The following CCDC148 variants were observed in gnomAD, a reference collection of about 807,000 sequenced individuals.
CCDC148 encodes coiled-coil domain containing 148.
Under a neutral mutation model 85.7 loss-of-function variants are expected in CCDC148, and 89 were observed. The ratio of observed to expected loss-of-function variants is 1.04; its 90% CI spans 0.87 to 1.24. The LOEUF (loss-of-function observed/expected upper bound fraction) is 1.24, where lower values mean the gene tolerates loss of function less well. Ranked by LOEUF, CCDC148 falls within the 50% of genes most tolerant of loss-of-function variation. The pLI is 0.00. For synonymous variants in CCDC148, 230 were observed against 213.9 expected (o/e 1.08, Z -0.66); for missense variants, 692 against 671.7 (o/e 1.03, Z -0.33).
At position 158,303,669 on chromosome 2, in the gene CCDC148, T is replaced by C. The variant is rs539638498; in HGVS notation, c.1110+5764A>G. The stretch of plus-strand genomic sequence containing the variant: ...AGAAAAAACAGAATCCATTTTACTA[T>C]AGTGTACTTTATGTTCTGATTTCCC... On this transcript the variant is annotated intron_variant, in intron 9 of 13. Transcript: ENST00000283233. Among the ~76,000 whole-genome samples the C allele has an allele frequency of 3.9e-5, 6 of 152,326 alleles. No individual in the cohort carries two copies. The East Asian group carries it at 5.8e-4, about 15-fold the overall frequency.
At chr2:158,213,132 T>C (rs1686666323) in intron 11 of CCDC148, among the ~76,000 whole-genome samples, 1 of 152,192 alleles carries the variant, frequency 6.6e-6, no homozygotes, top group Non-Finnish European at 1.5e-5. Context: ...GTGATTCTAA[T>C]GTAGCAAAGA....
chr2:158,436,041 C>T (rs992721549), intron 1 of CCDC148, among the ~76,000 whole-genome samples: 22 of 152,124 alleles, frequency 1.4e-4, no homozygotes, highest in African/African-American at 4.8e-4. Context: ...GACTTTAACA[C>T]CCCACTGTCA....
At chr2:158,253,359 C>A (rs1158254851) in intron 9 of CCDC148, among the ~76,000 whole-genome samples, 1 of 151,648 alleles carries the variant, frequency 6.6e-6, no homozygotes, top group Non-Finnish European at 1.5e-5. Flanking sequence ...CCTTATATGG[C>A]CATTCCTATT....
rs772661243 is a variant in CCDC148 at position 158,176,658 on chromosome 2, C to T, written c.1492G>A (p.Ala498Thr). ...ACAGGATCAAATTGAGCAACAACAGCAACCTAAAAATGAGAAAGCATGGCT... is the reference window on the plus strand; with the variant it reads ...ACAGGATCAAATTGAGCAACAACAGTAACCTAAAAATGAGAAAGCATGGCT... ...RRLEALRKQV[A>T]VVAQFDPVRM... Residue 498 changes from alanine (A) to threonine (T), a missense_variant, in exon 13 of 14, where the codon GCT becomes ACT. Ala to Thr is a moderately conservative substitution (Grantham distance 58, BLOSUM62 0). Transcript: ENST00000283233. 6.2e-7 allele frequency: 1 copy of T among 1,611,492 alleles called. No individual in the cohort carries two copies. The highest frequency in any genetic ancestry group is 1.7e-5 in the Admixed American group (1 of 59,838).
chr2:158,344,089 G>GA (rs1682874010), intron 3 of CCDC148, among the ~76,000 whole-genome samples: 1 of 151,968 alleles, frequency 6.6e-6, no homozygotes, highest in Non-Finnish European at 1.5e-5. Context: ...CTTTACACTT[G>GA]AATTTGAATC....
rs528571516 is a variant in CCDC148, at chr2:158,309,583, G to T, written c.960C>A (p.Ile320=). 1.2e-6 allele frequency: 2 copies of T among 1,613,750 alleles called. No individual in the cohort carries two copies. The highest frequency in any genetic ancestry group is 3.3e-5 in the Admixed American group (2 of 59,992). Residue 320 remains isoleucine, a synonymous_variant, in exon 9 of 14, where the codon ATC becomes ATA. Transcript: ENST00000283233. ...QYRFAIEQQN[I]LISNWNKNKK... ...TATTTTTATTCCAATTTGATATCAGGATATTTTGCTGCTCTATAGCAAAGC... is the reference window on the plus strand; with the variant it reads ...TATTTTTATTCCAATTTGATATCAGTATATTTTGCTGCTCTATAGCAAAGC...
chr2:158,414,055 G>A (rs1242267493), intron 1 of CCDC148, among the ~76,000 whole-genome samples: 2 of 152,118 alleles, frequency 1.3e-5, no homozygotes, highest in East Asian at 1.9e-4. Flanking sequence ...AATAAAGGTC[G>A]AGCTCTCTGG....
intron 11 of CCDC148, among the ~76,000 whole-genome samples, chr2:158,199,291 C>A (rs1368089492): frequency 3.3e-5 from 5 of 152,066 alleles, no homozygotes. Flanking sequence ...GTTGCCCAGG[C>A]TAGAGGGTAG....
At chr2:158,361,620 A>T (rs990607107) in intron 1 of CCDC148, among the ~76,000 whole-genome samples, 2 of 152,186 alleles carry the variant, frequency 1.3e-5, no homozygotes, top group Non-Finnish European at 2.9e-5. Context: ...AGACAAGCAA[A>T]TGCTGAGAGA....
intron 1 of CCDC148, among the ~76,000 whole-genome samples, chr2:158,442,132 G>A (rs923125903): frequency 2.0e-5 from 3 of 152,058 alleles, no homozygotes; most frequent in Non-Finnish European, 4.4e-5. Context: ...TAGAAAAAGA[G>A]CTCTGTTATA....
At chr2:158,227,483 G>A (rs1687609091) in intron 10 of CCDC148, among the ~76,000 whole-genome samples, 1 of 152,104 alleles carries the variant, frequency 6.6e-6, no homozygotes, top group African/African-American at 2.4e-5. Context: ...AACCAAAAAA[G>A]AGCCCGCATT....
chr2:158,312,445 G>A (rs1223443155), intron 8 of CCDC148, among the ~76,000 whole-genome samples: 1 of 151,878 alleles, frequency 6.6e-6, no homozygotes, highest in Non-Finnish European at 1.5e-5. Flanking sequence ...AGCTGGGCGT[G>A]GTAGCCTGCA....
chr2:158,441,276 T>C (rs1323938513), intron 1 of CCDC148, among the ~76,000 whole-genome samples: 2 of 152,036 alleles, frequency 1.3e-5, no homozygotes, highest in Non-Finnish European at 2.9e-5. Flanking sequence ...TTTGGAAAAA[T>C]GGAATTTTTA....
At chr2:158,176,941 C>A (rs1030625483) in intron 12 of CCDC148, among the ~76,000 whole-genome samples, 15 of 152,080 alleles carry the variant, frequency 9.9e-5, no homozygotes, top group Admixed American at 9.8e-4. Flanking sequence ...AACAATTTAT[C>A]TTTCTGATAT....
At chr2:158,351,340 G>A (rs112805393) in intron 2 of CCDC148, among the ~76,000 whole-genome samples, 4 of 152,192 alleles carry the variant, frequency 2.6e-5, no homozygotes, top group Non-Finnish European at 4.4e-5. Flanking sequence ...CATCTCACTA[G>A]GGAGTGCCAG....
chr2:158,404,817 C>T (rs1685931761), intron 1 of CCDC148, among the ~76,000 whole-genome samples: 1 of 152,180 alleles, frequency 6.6e-6, no homozygotes, highest in African/African-American at 2.4e-5. Flanking sequence ...GTCCTTAACT[C>T]AAGCACTGTG....
At chr2:158,254,499 T>A (rs1287002028) in intron 9 of CCDC148, among the ~76,000 whole-genome samples, 2 of 151,656 alleles carry the variant, frequency 1.3e-5, no homozygotes, top group African/African-American at 4.8e-5. Flanking sequence ...TAGACTTTCA[T>A]AGGTTTTAAA....
intron 9 of CCDC148, among the ~76,000 whole-genome samples, chr2:158,274,409 C>T (rs1428518843): frequency 6.6e-6 from 1 of 152,182 alleles, no homozygotes. Flanking sequence ...TCCATCGACA[C>T]CTGCAGCTGT....
intron 2 of CCDC148, among the ~76,000 whole-genome samples, chr2:158,357,309 T>C (rs1428550787): frequency 6.6e-6 from 1 of 151,842 alleles, no homozygotes; most frequent in Non-Finnish European, 1.5e-5. Context: ...AGGTAAGGGC[T>C]ATATTTTGCT....
Sources: gnomAD v4.1 joint callset for allele counts (sites outside exome capture counted in the v4.1 genomes callset) on GRCh38, gnomAD v4.1.1 for gene constraint, MANE v1.5 for transcripts, NCBI Gene and HGNC (gene_info 2026-07-23, HGNC 2026-07-21) for gene names.